The following CHST11 variants were observed in gnomAD, a reference collection of about 807,000 sequenced individuals.
CHST11 encodes C4S-1.
In CHST11, 9 loss-of-function variants were observed where a neutral mutation model predicts 30.4. The observed-to-expected ratio is 0.30, with a 90% confidence interval of 0.18 to 0.52. The LOEUF is 0.52. Among genes scored for constraint, CHST11 ranks in the 20% least tolerant of loss-of-function variants. CHST11 has a pLI of 0.97. For synonymous variants in CHST11, 152 were observed against 187.8 expected, an observed-to-expected ratio of 0.81 and a Z score of 1.56; for missense variants, 348 against 460.6, an observed-to-expected ratio of 0.76 and a Z score of 2.24.
intron 1 of CHST11, chr12:104,514,249 C>T (rs1219291996): frequency 2.3e-6 from 2 of 864,880 alleles, no homozygotes; most frequent in Non-Finnish European, 2.0e-6. Flanking sequence ...GGTGTTGGGG[C>T]AGCCACAGTT....
In CHST11 at chr12:104,600,613, A is replaced by C. The variant is rs1033276465; in HGVS notation, c.119-1293A>C. 2.0e-5 allele frequency among the ~76,000 whole-genome samples: 3 copies of C among 152,176 alleles called. No homozygotes were observed. Among genetic ancestry groups the C allele is most frequent in the Non-Finnish European group, 4.4e-5 (3 of 68,032 alleles). ...AAGCAGAGACACAGAGAGGTTAGGT[A>C]GTTTCCTTAAGGTCACACAGCTGGT... On this transcript the variant is annotated intron_variant, in intron 1 of 2. Transcript: ENST00000303694. The surrounding 1 kb of genome is among the most constrained non-coding windows in gnomAD (Gnocchi z 4.1).
chr12:104,731,176 A>G (rs2040254225), intron 2 of CHST11, among the ~76,000 whole-genome samples: 1 of 152,120 alleles, frequency 6.6e-6, no homozygotes, highest in Admixed American at 6.5e-5. Flanking sequence ...CCCTCATCGG[A>G]GGGCTAACTT....
At position 104,600,056 on chromosome 12, in the gene CHST11, G is replaced by A. The variant is rs960365037; in HGVS notation, c.119-1850G>A. On this transcript the variant is annotated intron_variant, in intron 1 of 2. Transcript: ENST00000303694. This position sits in a 1 kb window ranked among gnomAD's most constrained non-coding sequence, Gnocchi z 4.1. ...GGGTGCAAAGCCTAAATACTGTTTG[G>A]CCCCTTACAGAAAATTTTGCTGACC... Among the ~76,000 whole-genome samples the A allele has an allele frequency of 6.6e-6, 1 of 152,136 alleles. No homozygotes were observed. Among genetic ancestry groups the A allele is most frequent in the Non-Finnish European group, 1.5e-5 (1 of 68,016 alleles).
intron 1 of CHST11, among the ~76,000 whole-genome samples, chr12:104,519,910 A>G (rs1024071528): frequency 6.6e-6 from 1 of 152,204 alleles, no homozygotes; most frequent in Non-Finnish European, 1.5e-5. Flanking sequence ...GCTTTTCTGC[A>G]GGTGCAGGGT....
intron 2 of CHST11, among the ~76,000 whole-genome samples, chr12:104,654,539 G>C (rs1324843262): frequency 6.6e-6 from 1 of 152,132 alleles, no homozygotes; most frequent in African/African-American, 2.4e-5. Context: ...CCCCATGGTG[G>C]TAATACACAG....
intron 1 of CHST11, among the ~76,000 whole-genome samples, chr12:104,479,711 T>C (rs1163201168): frequency 6.6e-6 from 1 of 152,232 alleles, no homozygotes; most frequent in Non-Finnish European, 1.5e-5. Flanking sequence ...TTTTTGCCAC[T>C]AGGAAAACCT....
chr12:104,725,059 G>A lies in CHST11; in HGVS notation c.205-31890G>A, dbSNP rs569422153. Among the ~76,000 whole-genome samples the A allele has an allele frequency of 5.3e-5, 8 of 152,174 alleles. No homozygotes were observed. The South Asian group carries it at 1.5e-3, about 28-fold the overall frequency. ...GTCAGCCTTGCGAGCCCCAGTTCTG[G>A]TATGGACTCTTCTAAGCCCAGCGCC... On this transcript the variant is annotated intron_variant, in intron 2 of 2. Transcript: ENST00000303694.
At position 104,479,172 on chromosome 12, in the gene CHST11, C is replaced by T. The variant is rs1246336042; in HGVS notation, c.118+21643C>T. Among the ~76,000 whole-genome samples the T allele has an allele frequency of 2.0e-5, 3 of 150,618 alleles. No individual in the cohort carries two copies. The East Asian group carries it at 5.8e-4, about 29-fold the overall frequency. On this transcript the variant is annotated intron_variant, in intron 1 of 2. Coordinates refer to ENST00000303694, the MANE Select transcript of CHST11 (RefSeq NM_018413.6). Reference sequence around the variant, plus strand: ...AATTGGTTTAAGCAAAAAAAAAGGGCCCCCCCTTTTTTTTGGCTCAGGGAA... The same window carrying T: ...AATTGGTTTAAGCAAAAAAAAAGGGTCCCCCCTTTTTTTTGGCTCAGGGAA...
At chr12:104,483,244 C>T (rs987963315) in intron 1 of CHST11, among the ~76,000 whole-genome samples, 3 of 152,112 alleles carry the variant, frequency 2.0e-5, no homozygotes, top group East Asian at 1.9e-4. Context: ...CTTGCTCTGT[C>T]GCCCAGACTG....
chr12:104,512,170 G>T (rs1336854029), intron 1 of CHST11, among the ~76,000 whole-genome samples: 1 of 152,092 alleles, frequency 6.6e-6, no homozygotes, highest in Non-Finnish European at 1.5e-5. Context: ...TAATTATTAA[G>T]ATATACAAAA....
intron 1 of CHST11, among the ~76,000 whole-genome samples, chr12:104,570,077 G>C (rs1021576419): frequency 2.0e-5 from 3 of 152,106 alleles, no homozygotes; most frequent in Non-Finnish European, 2.9e-5. Flanking sequence ...TGGTGTCAGA[G>C]GAGTCCAAAG....
At chr12:104,482,805 A>C (rs2037639530) in intron 1 of CHST11, among the ~76,000 whole-genome samples, 1 of 152,098 alleles carries the variant, frequency 6.6e-6, no homozygotes, top group Non-Finnish European at 1.5e-5. Context: ...CTCACTCCAG[A>C]GTCTGTGCAT....
chr12:104,631,625 G>C (rs925539704), intron 2 of CHST11, among the ~76,000 whole-genome samples: 3 of 152,186 alleles, frequency 2.0e-5, no homozygotes, highest in Non-Finnish European at 4.4e-5. Flanking sequence ...CATGGGATCA[G>C]AATTAAGCCT....
intron 1 of CHST11, among the ~76,000 whole-genome samples, chr12:104,583,576 C>T (rs369302733): frequency 6.6e-6 from 1 of 152,184 alleles, no homozygotes; most frequent in African/African-American, 2.4e-5. Context: ...ATTTTCAGAT[C>T]GATTCTGACA....
At chr12:104,679,551 T>C (rs994762003) in intron 2 of CHST11, among the ~76,000 whole-genome samples, 5 of 152,094 alleles carry the variant, frequency 3.3e-5, no homozygotes, top group East Asian at 1.9e-4. Context: ...AGAGCCCTCA[T>C]GCGAAGTCAT....
intron 2 of CHST11, among the ~76,000 whole-genome samples, chr12:104,683,780 T>C (rs946731206): frequency 2.6e-5 from 4 of 152,146 alleles, no homozygotes; most frequent in African/African-American, 9.7e-5. Context: ...GCCAAGAACA[T>C]CTACCAGGAT....
intron 2 of CHST11, among the ~76,000 whole-genome samples, chr12:104,633,409 T>C: frequency 7.3e-6 from 1 of 137,588 alleles, no homozygotes; most frequent in East Asian, 2.1e-4. Context: ...CCTCTCCCTC[T>C]GTCTTTTTTT....
intron 2 of CHST11, among the ~76,000 whole-genome samples, chr12:104,708,717 C>T (rs909726756): frequency 1.3e-5 from 2 of 152,184 alleles, no homozygotes; most frequent in South Asian, 2.1e-4. Flanking sequence ...TAGAAAACCA[C>T]AGTCTGGGCC....
At chr12:104,664,477 A>G (rs546139661) in intron 2 of CHST11, among the ~76,000 whole-genome samples, 1 of 152,330 alleles carries the variant, frequency 6.6e-6, no homozygotes, top group African/African-American at 2.4e-5. Context: ...TTTTGCCAGT[A>G]AAATATAACA....
Sources: allele counts gnomAD v4.1 joint callset (sites outside exome capture counted in the v4.1 genomes callset), GRCh38; gene constraint gnomAD v4.1.1; non-coding constraint Gnocchi (gnomAD v3.1); transcripts MANE v1.5; gene names NCBI Gene and HGNC (gene_info 2026-07-23, HGNC 2026-07-21).